Variants in EXOC6B observed in about 807,000 individuals in gnomAD.
The protein encoded by EXOC6B is exocyst complex component 6B.
In EXOC6B, 54 loss-of-function variants were observed where a neutral mutation model predicts 113.5. The ratio of observed to expected loss-of-function variants is 0.48; its 90% CI spans 0.38 to 0.60. The LOEUF (loss-of-function observed/expected upper bound fraction) is 0.60, where lower values mean the gene tolerates loss of function less well. EXOC6B is among the 20% of genes least tolerant of loss of function. EXOC6B has a pLI of 0.00. For synonymous variants in EXOC6B, 357 were observed against 339.0 expected (o/e 1.05, Z -0.58); for missense variants, 797 against 977.5 (o/e 0.82, Z 2.46).
chr2:72,769,968 C>T (rs1369231853), intron 1 of EXOC6B, among the ~76,000 whole-genome samples: 2 of 152,178 alleles, frequency 1.3e-5, no homozygotes, highest in Middle Eastern at 3.4e-3. Context: ...CTCAAGGAAA[C>T]AAAACATGAG....
At chr2:72,279,231 G>C (rs558851795) in intron 20 of EXOC6B, among the ~76,000 whole-genome samples, 3 of 152,172 alleles carry the variant, frequency 2.0e-5, no homozygotes, top group Non-Finnish European at 2.9e-5. Context: ...AGAGAGACTG[G>C]ATATTCTCAG....
intron 20 of EXOC6B, among the ~76,000 whole-genome samples, chr2:72,280,838 G>A (rs1171493588): frequency 6.6e-6 from 1 of 152,008 alleles, no homozygotes; most frequent in African/African-American, 2.4e-5. Context: ...GAGAACTGCT[G>A]GCAAACTCAC....
At position 72,783,323 on chromosome 2, in the gene EXOC6B, T is replaced by C. The variant is rs1195979257; in HGVS notation, c.114-41854A>G. ...TGGTCACTTCTTTTTCTTTTCTTTT[T>C]TTTTTTTTTTTTTTTTTTTGAGATG... On this transcript the variant is annotated intron_variant, in intron 1 of 21. Coordinates refer to ENST00000272427, the MANE Select transcript of EXOC6B (RefSeq NM_015189.3). Among the ~76,000 whole-genome samples the C allele has an allele frequency of 9.9e-5, 13 of 131,366 alleles. No homozygotes were observed. The East Asian group carries it at 2.6e-3, about 26-fold the overall frequency. 86.2% of individuals were successfully genotyped at this position (131,366 alleles called of 152,430 possible). A position where few individuals can be genotyped will look rare whatever the true frequency, so the allele number is the denominator to read the frequency against.
intron 6 of EXOC6B, among the ~76,000 whole-genome samples, chr2:72,679,207 C>T (rs1676523363): frequency 6.6e-6 from 1 of 152,084 alleles, no homozygotes; most frequent in African/African-American, 2.4e-5. Flanking sequence ...GCTGGGATTA[C>T]AGGCACATGC....
At chr2:72,496,948 C>CATCATT (rs1700066962) in intron 13 of EXOC6B, among the ~76,000 whole-genome samples, 1 of 137,838 alleles carries the variant, frequency 7.3e-6, no homozygotes, top group Admixed American at 7.5e-5. Context: ...TATAAATGTA[C>CATCATT]ATTATTATTA....
intron 1 of EXOC6B, among the ~76,000 whole-genome samples, chr2:72,815,305 C>T (rs529764393): frequency 1.3e-5 from 2 of 152,072 alleles, no homozygotes; most frequent in African/African-American, 4.8e-5. Flanking sequence ...GCCTGGACAA[C>T]AGGGCGAAAC....
chr2:72,747,426 C>G (rs1681770094), intron 1 of EXOC6B, among the ~76,000 whole-genome samples: 1 of 151,914 alleles, frequency 6.6e-6, no homozygotes. Flanking sequence ...AGTAACCATT[C>G]TGAAAAGGAA....
intron 1 of EXOC6B, among the ~76,000 whole-genome samples, chr2:72,744,373 T>C (rs1681555599): frequency 6.6e-6 from 1 of 152,194 alleles, no homozygotes; most frequent in Non-Finnish European, 1.5e-5. Flanking sequence ...GATTGTCAAA[T>C]AAATTATAAA....
chr2:72,381,285 T>C (rs778132602), intron 18 of EXOC6B, among the ~76,000 whole-genome samples: 1 of 152,208 alleles, frequency 6.6e-6, no homozygotes. Flanking sequence ...AGTTGTAGTT[T>C]ATTCCTTTAG....
chr2:72,671,540 A>C (rs1485527608), intron 6 of EXOC6B, among the ~76,000 whole-genome samples: 1 of 151,914 alleles, frequency 6.6e-6, no homozygotes, highest in African/African-American at 2.4e-5. Flanking sequence ...ACTAAAAAAA[A>C]ATAAGTAATT....
intron 17 of EXOC6B, among the ~76,000 whole-genome samples, chr2:72,470,116 G>T (rs1049060813): frequency 1.3e-5 from 2 of 151,974 alleles, no homozygotes; most frequent in Non-Finnish European, 2.9e-5. Context: ...TTCTGTAAAA[G>T]ATGACACTGA....
intron 17 of EXOC6B, 52 bp downstream of exon 17, chr2:72,480,564 C>G: frequency 6.7e-7 from 1 of 1,501,526 alleles, no homozygotes; most frequent in Non-Finnish European, 8.9e-7. Flanking sequence ...GGTAGAACGT[C>G]CCAGACTGTG....
At chr2:72,253,854 A>C (rs571997961) in intron 20 of EXOC6B, among the ~76,000 whole-genome samples, 1 of 152,184 alleles carries the variant, frequency 6.6e-6, no homozygotes, top group South Asian at 2.1e-4. Flanking sequence ...CTAAAATAAA[A>C]GTTAAAAGAA....
At chr2:72,438,310 G>GA (rs775849981) in intron 18 of EXOC6B, among the ~76,000 whole-genome samples, 467 of 138,778 alleles carry the variant, frequency 3.4e-3, no homozygotes, top group Non-Finnish European at 3.4e-3. Flanking sequence ...AATCTTTGTG[G>GA]AAAAAAAAAA....
intron 6 of EXOC6B, among the ~76,000 whole-genome samples, chr2:72,621,163 G>C (rs1300044797): frequency 6.6e-6 from 1 of 152,062 alleles, no homozygotes; most frequent in Non-Finnish European, 1.5e-5. Flanking sequence ...TATGCCCAAA[G>C]AAAAATATTT....
In EXOC6B at chr2:72,272,390, C is replaced by T. The variant is rs1684547564; in HGVS notation, c.2196+62557G>A. 3.3e-5 allele frequency among the ~76,000 whole-genome samples: 5 copies of T among 152,196 alleles called. No individual in the cohort carries two copies. In the South Asian group the frequency reaches 1.0e-3, roughly 32 times the overall value. On this transcript the variant is annotated intron_variant, in intron 20 of 21. Transcript: ENST00000272427. ...TTAAATCCAATTATGGTAATTCATTCAGCAAATCCTGTGATCACTGGCACA... is the reference window on the plus strand; with the variant it reads ...TTAAATCCAATTATGGTAATTCATTTAGCAAATCCTGTGATCACTGGCACA...
intron 19 of EXOC6B, among the ~76,000 whole-genome samples, chr2:72,363,811 A>G (rs921772329): frequency 9.2e-5 from 14 of 152,088 alleles, no homozygotes; most frequent in African/African-American, 3.4e-4. Context: ...TGGTAACACT[A>G]AAAGTAAGTG....
At chr2:72,248,526 C>G (rs897918259) in intron 20 of EXOC6B, among the ~76,000 whole-genome samples, 1 of 152,076 alleles carries the variant, frequency 6.6e-6, no homozygotes, top group African/African-American at 2.4e-5. Flanking sequence ...TCCTGAATAT[C>G]CACAAAGTTT....
intron 8 of EXOC6B, among the ~76,000 whole-genome samples, chr2:72,538,787 G>A (rs1047234290): frequency 6.6e-6 from 1 of 152,224 alleles, no homozygotes; most frequent in East Asian, 1.9e-4. Flanking sequence ...CAACAATACA[G>A]TACAATGCAA....
Sources: allele counts gnomAD v4.1 joint callset (sites outside exome capture counted in the v4.1 genomes callset), GRCh38; gene constraint gnomAD v4.1.1; transcripts MANE v1.5; gene names NCBI Gene and HGNC (gene_info 2026-07-23, HGNC 2026-07-21).